RUBCN: variants seen among roughly 807,000 people sequenced by gnomAD.
RUBCN encodes the protein rubicon autophagy regulator.
In RUBCN, 74 loss-of-function variants were observed where a neutral mutation model predicts 113.2. The ratio of observed to expected loss-of-function variants is 0.65; its 90% CI spans 0.54 to 0.79. RUBCN has a LOEUF of 0.79. Ranked by LOEUF, RUBCN falls within the 30% of genes least tolerant of loss-of-function variation. The probability of loss-of-function intolerance (pLI) is 0.00; values close to 1 mark genes in which losing one functional copy is unlikely to be tolerated. For missense variants in RUBCN, 1,109 were observed against 1,251.7 expected (o/e 0.89, Z 1.72); for synonymous variants, 480 against 490.0 (o/e 0.98, Z 0.27).
chr3:197,733,024 C>T (rs1328845455), intron 1 of RUBCN, among the ~76,000 whole-genome samples: 1 of 152,218 alleles, frequency 6.6e-6, no homozygotes, highest in East Asian at 1.9e-4. Context: ...ATTCTTCCTA[C>T]TCAGGCAGGT....
intron 1 of RUBCN, among the ~76,000 whole-genome samples, chr3:197,725,614 C>T (rs772202777): frequency 1.4e-5 from 2 of 147,320 alleles, no homozygotes; most frequent in Admixed American, 7.0e-5. Context: ...CCATCTGCCT[C>T]GGCCTCCTAA....
At chr3:197,731,892 C>CT (rs1318903882) in intron 1 of RUBCN, among the ~76,000 whole-genome samples, 4 of 152,222 alleles carry the variant, frequency 2.6e-5, no homozygotes, top group Non-Finnish European at 5.9e-5. Context: ...TACTATAAGC[C>CT]ATTATATTTG....
chr3:197,693,649 A>G, intron 11 of RUBCN, 66 bp downstream of exon 11: 1 of 1,080,766 alleles, frequency 9.3e-7, no homozygotes, highest in Non-Finnish European at 1.4e-6. Flanking sequence ...AACACTTCGC[A>G]GCTTATCATT....
intron 1 of RUBCN, among the ~76,000 whole-genome samples, chr3:197,742,588 G>A (rs936421015): frequency 6.6e-6 from 1 of 152,246 alleles, no homozygotes; most frequent in African/African-American, 2.4e-5. Context: ...CTCTCGCTGA[G>A]TAAAGCTGCA....
intron 4 of RUBCN, among the ~76,000 whole-genome samples, 162 bp downstream of exon 4, chr3:197,704,380 G>T (rs1724043925): frequency 6.6e-6 from 1 of 152,192 alleles, no homozygotes; most frequent in Non-Finnish European, 1.5e-5. Context: ...GTTGCAGTGA[G>T]CCGAGATCAC....
At chr3:197,745,595 A>G (rs538410745) in intron 1 of RUBCN, among the ~76,000 whole-genome samples, 93 of 152,166 alleles carry the variant, frequency 6.1e-4, no homozygotes, top group African/African-American at 2.2e-3. Context: ...AGCCTGGGCA[A>G]AAAGAGTGAA....
chr3:197,718,489 A>G (rs1167777391), intron 1 of RUBCN, among the ~76,000 whole-genome samples: 1 of 152,132 alleles, frequency 6.6e-6, no homozygotes, highest in Admixed American at 6.6e-5. Flanking sequence ...TAACTCTGTC[A>G]CCCAGGCTGA....
intron 7 of RUBCN, among the ~76,000 whole-genome samples, chr3:197,698,134 T>C (rs1333467649): frequency 6.6e-6 from 1 of 152,258 alleles, no homozygotes; most frequent in Non-Finnish European, 1.5e-5. Flanking sequence ...AGCCTTTACT[T>C]ACTGAGTTCA....
intron 2 of RUBCN, among the ~76,000 whole-genome samples, chr3:197,717,773 C>T (rs1725708367): frequency 6.6e-6 from 1 of 152,118 alleles, no homozygotes; most frequent in African/African-American, 2.4e-5. Flanking sequence ...ATTTGCTGTC[C>T]TACCCAGTGA....
At chr3:197,703,816 T>C (rs996837677) in intron 4 of RUBCN, among the ~76,000 whole-genome samples, 162 bp from the exon 5 acceptor site, 4 of 152,236 alleles carry the variant, frequency 2.6e-5, no homozygotes, top group Middle Eastern at 3.4e-3. Flanking sequence ...TGCAGCAAAA[T>C]GGCCAGGGCA....
At chr3:197,678,372 G>A (rs553661123) in intron 16 of RUBCN, among the ~76,000 whole-genome samples, 12 of 150,284 alleles carry the variant, frequency 8.0e-5, no homozygotes, top group Middle Eastern at 3.6e-3. Context: ...ACTGGCTTCA[G>A]ACTGTCCTAC....
rs1393374992 is a variant in RUBCN, at chr3:197,707,003, A to T, written c.220-1828T>A. ...AGCCAGGGCTGGGCAGCCGTGGGAC[A>T]TCAACTCCAGCATGTCTCTTGGTTA... On this transcript the variant is annotated intron_variant, in intron 2 of 19. Coordinates refer to ENST00000296343, the MANE Select transcript of RUBCN (RefSeq NM_014687.4). Among the ~76,000 whole-genome samples, 19 of 151,330 alleles carry T rather than the reference A, an allele frequency of 1.3e-4. 1 individual carries two copies. Among genetic ancestry groups the T allele is most frequent in the African/African-American group, 4.7e-4 (19 of 40,636 alleles).
rs1719819222 is a variant in RUBCN at position 197,671,832 on chromosome 3, T to TCATGC, written c.*3185_*3186insGCATG. On this transcript the variant is annotated 3_prime_UTR_variant, in exon 20 of 20. Coordinates refer to ENST00000296343, the MANE Select transcript of RUBCN (RefSeq NM_014687.4). The stretch of plus-strand genomic sequence containing the variant: ...GAAGTGAAGTGGTTCGCTCGAGGTC[T>TCATGC]CATGGCAAGTTAGAGACACAGCCAC... 1 of 152,224 alleles carries TCATGC rather than the reference T, an allele frequency of 6.6e-6. No individual in the cohort carries two copies. The highest frequency in any genetic ancestry group is 2.1e-4 in the South Asian group (1 of 4,832). The allele number at this position is 152,224 out of a possible 1,614,324, so 9.4% of individuals were successfully genotyped here. A position where few individuals can be genotyped will look rare whatever the true frequency, so the allele number is the denominator to read the frequency against.
intron 11 of RUBCN, 84 bp downstream of exon 11, chr3:197,693,628 TCTA>T (rs1722676608): frequency 3.2e-6 from 3 of 923,424 alleles, no homozygotes; most frequent in Non-Finnish European, 5.3e-6. Context: ...ATGAAGATCT[TCTA>T]CTTAGGAAAC....
At chr3:197,728,836 C>T (rs1427214841) in intron 1 of RUBCN, among the ~76,000 whole-genome samples, 1 of 152,062 alleles carries the variant, frequency 6.6e-6, no homozygotes, top group Non-Finnish European at 1.5e-5. Context: ...ATTTAAGGGA[C>T]GACTAAGAGC....
intron 2 of RUBCN, among the ~76,000 whole-genome samples, chr3:197,717,300 C>G (rs1380158784): frequency 6.6e-6 from 1 of 151,854 alleles, no homozygotes; most frequent in African/African-American, 2.4e-5. Flanking sequence ...AAAAATTAGC[C>G]GGGCCTGGTG....
chr3:197,707,629 G>A (rs1385429069), intron 2 of RUBCN, among the ~76,000 whole-genome samples: 2 of 152,140 alleles, frequency 1.3e-5, no homozygotes, highest in Non-Finnish European at 2.9e-5. Context: ...TAAGGATATT[G>A]GATTTCTATG....
chr3:197,737,684 A>G (rs949895737), upstream of RUBCN, among the ~76,000 whole-genome samples: 1 of 152,098 alleles, frequency 6.6e-6, no homozygotes, highest in Non-Finnish European at 1.5e-5. Context: ...TATGCAAATC[A>G]AGAAGTGATT....
At chr3:197,745,047 G>C (rs923587757) in intron 1 of RUBCN, among the ~76,000 whole-genome samples, 26 of 151,986 alleles carry the variant, frequency 1.7e-4, no homozygotes, top group Admixed American at 2.0e-4. Context: ...AGCACTTTGG[G>C]AGGCCGAGGT....
Sources: gnomAD v4.1 joint callset for allele counts (sites outside exome capture counted in the v4.1 genomes callset) on GRCh38, gnomAD v4.1.1 for gene constraint, MANE v1.5 for transcripts, NCBI Gene and HGNC (gene_info 2026-07-23, HGNC 2026-07-21) for gene names.